Variants in KIF13A observed in about 807,000 individuals in gnomAD.
KIF13A encodes kinesin family member 13A, also known as kinesin-like protein KIF13A.
In KIF13A, 79 loss-of-function variants were observed where a neutral mutation model predicts 212.2. The observed-to-expected ratio is 0.37, with a 90% CI of 0.31 to 0.45. The LOEUF is 0.45. KIF13A is among the 20% of genes least tolerant of loss of function. KIF13A has a pLI of 1.00. For synonymous variants in KIF13A, 789 were observed against 808.6 expected, an observed-to-expected ratio of 0.98 and a Z score of 0.41; for missense variants, 1,901 against 2,209.0, an observed-to-expected ratio of 0.86 and a Z score of 2.79.
Position 17,781,318 on chromosome 6 carries a change from C to G in KIF13A, c.3545-17G>C. On this transcript the variant is annotated splice_polypyrimidine_tract_variant and intron_variant, in intron 29 of 38. Coordinates refer to ENST00000259711, the MANE Select transcript of KIF13A (RefSeq NM_022113.6). ...GGTCATCCGCTAACCACATCAGGAG[C>G]ACAGAAAAAACAGTAGGGGAAAGTC... 2 of 1,549,432 alleles carry G rather than the reference C, an allele frequency of 1.3e-6. No individual in the cohort carries two copies. Among genetic ancestry groups the G allele is most frequent in the Non-Finnish European group, 1.7e-6 (2 of 1,153,170 alleles).
Position 17,769,054 on chromosome 6 carries a change from GTTC to G in KIF13A, c.4581+2057_4581+2059del, listed in dbSNP as rs1561948707. On this transcript the variant is annotated intron_variant, in intron 38 of 38. Coordinates refer to ENST00000259711, the MANE Select transcript of KIF13A (RefSeq NM_022113.6). The surrounding 1 kb of genome is among the most constrained non-coding windows in gnomAD (Gnocchi z 5.8). ...TTAACAGGAACAATGTCTTGATGCT[GTTC>G]TTCTCAAGAATGATTTCAAACTCTC... Among the ~76,000 whole-genome samples the G allele has an allele frequency of 6.6e-6, 1 of 152,210 alleles. No homozygotes were observed. The highest frequency in any genetic ancestry group is 1.9e-4 in the East Asian group (1 of 5,200).
rs34480944 is a variant in KIF13A, at chr6:17,888,824, C to CA, written c.159+9343dup. On this transcript the variant is annotated intron_variant, in intron 3 of 38. Transcript: ENST00000259711. This position sits in a 1 kb window ranked among gnomAD's most constrained non-coding sequence, Gnocchi z 4.8. ...TGGGTGACAGAGTGAGACCCTATCT[C>CA]AAAAAAACAAAAAAGTAAAAAGAGA... Among the ~76,000 whole-genome samples, 6 of 149,398 alleles carry CA rather than the reference C, an allele frequency of 4.0e-5. No homozygotes were observed. Among genetic ancestry groups the CA allele is most frequent in the African/African-American group, 1.2e-4 (5 of 40,570 alleles).
chr6:17,774,947 C>A lies in KIF13A; in HGVS notation c.4218+68G>T, dbSNP rs571068042. ...AGGTGAGGCCCAGAGATTTTAAAAA[C>A]ACCAAGATCCCACAACTTTCCAGAC... is the stretch of plus-strand genomic sequence containing the variant. On this transcript the variant is annotated intron_variant, in intron 35 of 38. Transcript: ENST00000259711. 4.1e-5 allele frequency: 52 copies of A among 1,280,416 alleles called. No individual in the cohort carries two copies. In the African/African-American group the frequency reaches 6.1e-4, roughly 15 times the overall value. 79.3% of individuals were successfully genotyped at this position (1,280,416 alleles called of 1,614,324 possible).
chr6:17,762,678 T>C (rs1758641547), downstream of KIF13A, among the ~76,000 whole-genome samples: 1 of 152,230 alleles, frequency 6.6e-6, no homozygotes. Flanking sequence ...ACCAGCTGTG[T>C]AGCTTCTGCT....
chr6:17,885,896 A>T (rs1232525870), intron 3 of KIF13A, among the ~76,000 whole-genome samples: 1 of 152,194 alleles, frequency 6.6e-6, no homozygotes, highest in African/African-American at 2.4e-5. Flanking sequence ...TGGGGGTCGG[A>T]GTGTCACAAA....
chr6:17,885,115 T>C (rs1295992198), intron 3 of KIF13A, among the ~76,000 whole-genome samples: 9 of 149,268 alleles, frequency 6.0e-5, no homozygotes, highest in Admixed American at 3.3e-4. Flanking sequence ...TGAAGATTCA[T>C]AAAAGAAAAA....
chr6:17,908,717 A>C (rs2150500165), intron 2 of KIF13A, among the ~76,000 whole-genome samples: 1 of 152,282 alleles, frequency 6.6e-6, no homozygotes, highest in African/African-American at 2.4e-5. Context: ...TTACCAGTTA[A>C]TCTATTTTCA....
In KIF13A at chr6:17,764,528, AC is replaced by A; in HGVS notation, c.4999del (p.Val1667CysfsTer9). 1 of 1,613,976 alleles carries A rather than the reference AC, an allele frequency of 6.2e-7. No homozygotes were observed. Among genetic ancestry groups the A allele is most frequent in the Non-Finnish European group, 8.5e-7 (1 of 1,179,892 alleles). On this transcript the variant is annotated frameshift_variant, in exon 39 of 39. Transcript: ENST00000259711. LOFTEE classifies it low-confidence loss of function (END_TRUNC). The surrounding 1 kb of genome is among the most constrained non-coding windows in gnomAD (Gnocchi z 5.1). The part of the protein sequence containing the change: ...KGLVKDKIIV[V>X]PLKENSALAK... ...TAAGGCACTGTTTTCCTTGAGTGGC[AC>A]CACAATTATCTTGTCCTTTACCAAG...
At chr6:17,952,636 G>T (rs547024702) in intron 2 of KIF13A, among the ~76,000 whole-genome samples, 2 of 150,208 alleles carry the variant, frequency 1.3e-5, no homozygotes, top group Non-Finnish European at 3.0e-5. Context: ...GAGAGACTCT[G>T]TAAGAAAAGA....
intron 2 of KIF13A, among the ~76,000 whole-genome samples, chr6:17,942,335 AATATAT>A (rs10599616): frequency 0.08 from 11,593 of 145,500 alleles, 1,517 homozygotes; most frequent in African/African-American, 0.27. Context: ...AACAACAACA[AATATAT>A]ATATATATAT....
chr6:17,777,457 C>T lies in KIF13A; in HGVS notation c.4093-103G>A, dbSNP rs1042531190. Reference sequence around the variant, plus strand: ...GGAGTGTAGTGATGCGATCTCTGCTCACTGCAACCTCTGCCTCCTGGGTTC... The same window carrying T: ...GGAGTGTAGTGATGCGATCTCTGCTTACTGCAACCTCTGCCTCCTGGGTTC... On this transcript the variant is annotated intron_variant, in intron 33 of 38. Coordinates refer to ENST00000259711, the MANE Select transcript of KIF13A (RefSeq NM_022113.6). This position sits in a 1 kb window ranked among gnomAD's most constrained non-coding sequence, Gnocchi z 4.4. The T allele has an allele frequency of 9.7e-6, 9 of 929,276 alleles. No homozygotes were observed. The African/African-American group carries it at 1.3e-4, about 14-fold the overall frequency. 57.6% of individuals were successfully genotyped at this position (929,276 alleles called of 1,614,324 possible).
At chr6:17,835,306 G>T (rs1471013502) in intron 11 of KIF13A, among the ~76,000 whole-genome samples, 1 of 148,070 alleles carries the variant, frequency 6.8e-6, no homozygotes, top group Non-Finnish European at 1.5e-5. Context: ...CTTCAGCCAG[G>T]TATTGCTTGA....
intron 9 of KIF13A, among the ~76,000 whole-genome samples, chr6:17,845,599 G>A (rs1766947824): frequency 6.6e-6 from 1 of 152,196 alleles, no homozygotes; most frequent in African/African-American, 2.4e-5. Context: ...CAGTGTCTGG[G>A]GGTATTAGAG....
rs1321537322 is a variant in KIF13A, at chr6:17,899,575, A to C, written c.147-1395T>G. ...TCTACGCTTTCGAGTGCAGGGAAGA[A>C]AAATCATCCCATTCCTATAATGATG... On this transcript the variant is annotated intron_variant, in intron 2 of 38. Transcript: ENST00000259711. The surrounding 1 kb of genome is among the most constrained non-coding windows in gnomAD (Gnocchi z 5.2). Among the ~76,000 whole-genome samples, 3 of 152,246 alleles carry C rather than the reference A, an allele frequency of 2.0e-5. No individual in the cohort carries two copies. Among genetic ancestry groups the C allele is most frequent in the Non-Finnish European group, 4.4e-5 (3 of 68,044 alleles).
In KIF13A at chr6:17,886,720, T is replaced by C. The variant is rs1303866308; in HGVS notation, c.159+11448A>G. On this transcript the variant is annotated intron_variant, in intron 3 of 38. Coordinates refer to ENST00000259711, the MANE Select transcript of KIF13A (RefSeq NM_022113.6). The surrounding 1 kb of genome is among the most constrained non-coding windows in gnomAD (Gnocchi z 5.6). ...AGATAGAAACACACAGCACTTCACTTGAACCCGGGAGGTGGAGGTTGCAGT... is the reference window on the plus strand; with the variant it reads ...AGATAGAAACACACAGCACTTCACTCGAACCCGGGAGGTGGAGGTTGCAGT... 2.0e-5 allele frequency among the ~76,000 whole-genome samples: 3 copies of C among 152,068 alleles called. No homozygotes were observed. Among genetic ancestry groups the C allele is most frequent in the African/African-American group, 7.3e-5 (3 of 41,378 alleles).
intron 2 of KIF13A, among the ~76,000 whole-genome samples, chr6:17,965,675 A>C (rs1254776987): frequency 6.6e-6 from 1 of 152,248 alleles, no homozygotes; most frequent in Non-Finnish European, 1.5e-5. Flanking sequence ...GTTAAATCTC[A>C]TTACTTATCC....
In KIF13A at chr6:17,875,295, C is replaced by T. The variant is rs555737142; in HGVS notation, c.160-1858G>A. ...CAATGTAAAAGTGTTCCCTGTTGAC[C>T]GCATCCACACCAACATCTACTGGTA... On this transcript the variant is annotated intron_variant, in intron 3 of 38. Coordinates refer to ENST00000259711, the MANE Select transcript of KIF13A (RefSeq NM_022113.6). 4.6e-5 allele frequency among the ~76,000 whole-genome samples: 7 copies of T among 151,944 alleles called. No homozygotes were observed. The South Asian group carries it at 1.0e-3, about 23-fold the overall frequency.
chr6:17,810,331 C>T (rs917775093), intron 17 of KIF13A, among the ~76,000 whole-genome samples: 4 of 152,220 alleles, frequency 2.6e-5, no homozygotes, highest in South Asian at 2.1e-4. Flanking sequence ...GGCCGTTCCT[C>T]GGCTCAAGGC....
In KIF13A at chr6:17,976,079, G is replaced by C. The variant is rs973490233; in HGVS notation, c.146+10975C>G. Among the ~76,000 whole-genome samples the C allele has an allele frequency of 2.6e-5, 4 of 152,258 alleles. 1 individual carries two copies. Among genetic ancestry groups the C allele is most frequent in the Non-Finnish European group, 5.9e-5 (4 of 68,050 alleles). On this transcript the variant is annotated intron_variant, in intron 2 of 38. Coordinates refer to ENST00000259711, the MANE Select transcript of KIF13A (RefSeq NM_022113.6). ...TGGTGTATTTACAGTCCCTGAGCTA[G>C]ACATAAAGCTTCTCCACATCCTCAC...
Sources: allele counts gnomAD v4.1 joint callset (sites outside exome capture counted in the v4.1 genomes callset), GRCh38; gene constraint gnomAD v4.1.1; non-coding constraint Gnocchi (gnomAD v3.1); transcripts MANE v1.5; gene names NCBI Gene and HGNC (gene_info 2026-07-23, HGNC 2026-07-21).